ARFGEF1: variants seen among roughly 807,000 people sequenced by gnomAD.
ARFGEF1 encodes the protein brefeldin A-inhibited guanine nucleotide-exchange protein 1.
In ARFGEF1, 42 loss-of-function variants were observed where a neutral mutation model predicts 231.0. That is an observed-to-expected ratio of 0.18 (90% confidence interval 0.14 to 0.24). The LOEUF is 0.24. ARFGEF1 is among the 10% of genes least tolerant of loss of function. ARFGEF1 has a pLI of 1.00. For missense variants in ARFGEF1, 1,345 were observed against 2,192.0 expected (o/e 0.61, Z 7.72); for synonymous variants, 710 against 732.3 (o/e 0.97, Z 0.49).
At chr8:67,336,883 C>A (rs1312493779) in intron 1 of ARFGEF1, among the ~76,000 whole-genome samples, 1 of 152,174 alleles carries the variant, frequency 6.6e-6, no homozygotes, top group Non-Finnish European at 1.5e-5. Flanking sequence ...GTAATCCCAG[C>A]ACCTTGGGAG....
chr8:67,281,022 TAAAA>T (rs200033334), intron 7 of ARFGEF1, among the ~76,000 whole-genome samples: 2 of 127,312 alleles, frequency 1.6e-5, no homozygotes, highest in East Asian at 4.5e-4. Context: ...CAAAGTGCTA[TAAAA>T]AAAAAAAAGC....
chr8:67,295,445 T>G (rs1198360349), intron 5 of ARFGEF1, among the ~76,000 whole-genome samples: 1 of 152,152 alleles, frequency 6.6e-6, no homozygotes, highest in African/African-American at 2.4e-5. Context: ...CAAAATGCAC[T>G]GAAAAGGACA....
At chr8:67,229,878 G>A (rs1839499285) in intron 23 of ARFGEF1, among the ~76,000 whole-genome samples, 1 of 152,014 alleles carries the variant, frequency 6.6e-6, no homozygotes, top group South Asian at 2.1e-4. Context: ...AAAGCAAATG[G>A]CAAACAGTAG....
At chr8:67,285,028 T>C (rs2128905648) in intron 7 of ARFGEF1, among the ~76,000 whole-genome samples, 1 of 116,024 alleles carries the variant, frequency 8.6e-6, no homozygotes. Context: ...AAAATAAAAA[T>C]AATGATGATA....
At chr8:67,291,751 A>T in intron 6 of ARFGEF1, 96 bp downstream of exon 6, 1 of 1,456,228 alleles carries the variant, frequency 6.9e-7, no homozygotes, top group Non-Finnish European at 9.3e-7. Flanking sequence ...CACACTTATT[A>T]AATCATATTA....
At chr8:67,293,114 GAAGTT>G (rs774087346) in intron 5 of ARFGEF1, among the ~76,000 whole-genome samples, 2 of 152,100 alleles carry the variant, frequency 1.3e-5, no homozygotes, top group Non-Finnish European at 2.9e-5. Context: ...AGCAAATGTG[GAAGTT>G]AAGTCGTCTG....
chr8:67,275,174 G>C (rs1176227994), intron 9 of ARFGEF1, among the ~76,000 whole-genome samples: 1 of 151,938 alleles, frequency 6.6e-6, no homozygotes, highest in African/African-American at 2.4e-5. Context: ...CTTTCTTAAA[G>C]TTATGGTCTG....
rs1808767847 is a variant in ARFGEF1 at position 67,343,698 on chromosome 8, T to C, written c.-411A>G. The stretch of plus-strand genomic sequence containing the variant: ...ACCGCGAGAGAAGGGCTACCCTGGC[T>C]ACTGTGGGGATTAGCACCCGCCGCG... On this transcript the variant is annotated 5_prime_UTR_variant, in exon 1 of 39. Coordinates refer to ENST00000262215, the MANE Select transcript of ARFGEF1 (RefSeq NM_006421.5). 1.3e-6 allele frequency: 1 copy of C among 781,696 alleles called. No homozygotes were observed. The highest frequency in any genetic ancestry group is 5.5e-5 in the South Asian group (1 of 18,112). 48.4% of individuals were successfully genotyped at this position (781,696 alleles called of 1,614,324 possible). A position where few individuals can be genotyped will look rare whatever the true frequency, so the allele number is the denominator to read the frequency against.
intron 24 of ARFGEF1, 45 bp downstream of exon 24, chr8:67,228,179 T>C (rs763034507): frequency 6.2e-7 from 1 of 1,607,608 alleles, no homozygotes; most frequent in Non-Finnish European, 8.5e-7. Context: ...TAAAGTTATT[T>C]TAGCCCCAAG....
At chr8:67,245,288 C>T (rs1283067958) in intron 19 of ARFGEF1, among the ~76,000 whole-genome samples, 1 of 150,452 alleles carries the variant, frequency 6.6e-6, no homozygotes, top group Non-Finnish European at 1.5e-5. Context: ...AAGTACACAA[C>T]TCACTGGTTA....
At chr8:67,238,266 A>G in intron 22 of ARFGEF1, 77 bp downstream of exon 22, 1 of 1,366,800 alleles carries the variant, frequency 7.3e-7, no homozygotes, top group Non-Finnish European at 9.8e-7. Context: ...CCTTCTAATT[A>G]TATTTCATTA....
At chr8:67,223,479 C>T (rs940665639) in intron 29 of ARFGEF1, among the ~76,000 whole-genome samples, 1 of 152,166 alleles carries the variant, frequency 6.6e-6, no homozygotes, top group African/African-American at 2.4e-5. Context: ...TGAGCCATGG[C>T]ATCCGGCCCA....
intron 23 of ARFGEF1, among the ~76,000 whole-genome samples, chr8:67,232,522 C>T (rs183972029): frequency 8.2e-4 from 124 of 152,048 alleles, no homozygotes; most frequent in Middle Eastern, 6.8e-3. Flanking sequence ...ATAAACTACA[C>T]AACATTTTCA....
Position 67,203,212 on chromosome 8 carries a change from C to A in ARFGEF1, c.4999G>T (p.Asp1667Tyr), listed in dbSNP as rs752814909. 1 of 1,614,188 alleles carries A rather than the reference C, an allele frequency of 6.2e-7. No individual in the cohort carries two copies. Among genetic ancestry groups the A allele is most frequent in the Admixed American group, 1.7e-5 (1 of 60,024 alleles). The change falls in exon 36 of 39, where the codon GAC (aspartate) becomes TAC (tyrosine). Residue 1667 changes from aspartate to tyrosine, a missense_variant. Transcript: ENST00000262215. ...GTTAAAAAGCGGTACATTCCTTGGT[C>A]TTGAGTATCAACGCGAACATCAAAG... The part of the protein sequence containing the change: ...VDFDVRVDTQ[D>Y]QGMYRFLTSQ...
intron 22 of ARFGEF1, among the ~76,000 whole-genome samples, chr8:67,234,953 A>C (rs1044657280): frequency 1.3e-5 from 2 of 151,442 alleles, no homozygotes; most frequent in Non-Finnish European, 2.9e-5. Flanking sequence ...ACAAAGAAAA[A>C]CCTATGAGAA....
intron 14 of ARFGEF1, among the ~76,000 whole-genome samples, chr8:67,262,254 C>T (rs1804655740): frequency 1.3e-5 from 2 of 152,106 alleles, no homozygotes; most frequent in South Asian, 4.1e-4. Flanking sequence ...TTTCAGGAGT[C>T]CAAGACATCA....
chr8:67,335,627 G>T (rs907425525), intron 1 of ARFGEF1, among the ~76,000 whole-genome samples: 28 of 152,152 alleles, frequency 1.8e-4, no homozygotes, highest in African/African-American at 6.5e-4. Flanking sequence ...TGACAGATGA[G>T]GATTGTTAAA....
chr8:67,214,639 C>T (rs550127064), intron 33 of ARFGEF1, among the ~76,000 whole-genome samples: 5 of 152,274 alleles, frequency 3.3e-5, no homozygotes, highest in South Asian at 4.2e-4. Flanking sequence ...GCCAATCGAT[C>T]ATCTCAGCAG....
At position 67,299,375 on chromosome 8, in the gene ARFGEF1, C is replaced by G. The variant is rs1021234850; in HGVS notation, c.313-20G>C. 6 of 1,597,406 alleles carry G rather than the reference C, an allele frequency of 3.8e-6. No homozygotes were observed. In the African/African-American group the frequency reaches 8.1e-5, roughly 22 times the overall value. ...AAGTTTCTAAAATGGAGAAAGAAAA[C>G]AAAGATCCTAAGTAAGGTAACAAAT... On this transcript the variant is annotated intron_variant, in intron 3 of 38. Transcript: ENST00000262215.
Sources: gnomAD v4.1 joint callset for allele counts (sites outside exome capture counted in the v4.1 genomes callset) on GRCh38, gnomAD v4.1.1 for gene constraint, MANE v1.5 for transcripts, NCBI Gene and HGNC (gene_info 2026-07-23, HGNC 2026-07-21) for gene names.